Variants in XAGE5 observed in about 807,000 individuals in gnomAD.
The protein encoded by XAGE5 is X antigen family member 5.
A neutral mutation model predicts 13.1 loss-of-function variants in XAGE5; 13 were observed. The observed-to-expected ratio is 0.99, with a 90% CI of 0.64 to 1.57. The LOEUF is 1.57. XAGE5 is among the 40% of genes most tolerant of loss of function. The pLI is 0.00. For missense variants in XAGE5, 86 were observed against 77.6 expected, an observed-to-expected ratio of 1.11 and a Z score of -0.41; for synonymous variants, 17 against 25.0, an observed-to-expected ratio of 0.68 and a Z score of 0.96.
intron 4 of XAGE5, chrX:52,814,434 G>A (rs1926864617): frequency 5.2e-6 from 1 of 194,015 alleles, no homozygotes; most frequent in African/African-American, 2.9e-5. Context: ...TAAGATTATC[G>A]TGAAACAGAA....
chrX:52,811,907 G>A (rs1036753406), intron 2 of XAGE5, among the ~76,000 whole-genome samples, 188 bp downstream of exon 2: 1 of 111,200 alleles, frequency 9.0e-6, no homozygotes, highest in African/African-American at 3.3e-5. Flanking sequence ...TCGATTTTAG[G>A]GGGGAAACGG....
chrX:52,812,931 C>T (rs1478604155), intron 3 of XAGE5, among the ~76,000 whole-genome samples: 7 of 111,672 alleles, frequency 6.3e-5, no homozygotes, highest in East Asian at 2.8e-4. Context: ...TTGAGGGTAA[C>T]GGTCTCAGAG....
At chrX:52,812,493 C>G (rs1926818020) in intron 2 of XAGE5, 66 bp from the exon 3 acceptor site, 3 of 1,044,157 alleles carry the variant, frequency 2.9e-6, no homozygotes, top group Non-Finnish European at 3.9e-6. Flanking sequence ...AAGCTGGCCT[C>G]GAGCTTCTGA....
chrX:52,818,226 A>G lies in XAGE5; in HGVS notation c.*13A>G. The G allele has an allele frequency of 1.7e-6, 2 of 1,210,767 alleles. No individual in the cohort carries two copies. Among genetic ancestry groups the G allele is most frequent in the South Asian group, 3.5e-5 (2 of 56,870 alleles). On this transcript the variant is annotated 3_prime_UTR_variant, in exon 6 of 6. Transcript: ENST00000375501. ...ACCACAGCTTTAAACGAAGACAACC[A>G]AAAGAATGCAAACTGGATTTATCCG...
chrX:52,815,540 C>T (rs1192471621), intron 5 of XAGE5, among the ~76,000 whole-genome samples: 1 of 112,758 alleles, frequency 8.9e-6, no homozygotes, highest in African/African-American at 3.2e-5. Context: ...CGTAATACCT[C>T]TTTGTGTGAA....
At chrX:52,813,044 T>G in intron 3 of XAGE5, 96 bp from the exon 4 acceptor site, 1 of 625,137 alleles carries the variant, frequency 1.6e-6, no homozygotes. Flanking sequence ...ATCAGAAGTA[T>G]CTGTGTAATC....
At chrX:52,817,167 G>A (rs1300489473) in intron 5 of XAGE5, among the ~76,000 whole-genome samples, 1 of 111,944 alleles carries the variant, frequency 8.9e-6, no homozygotes, top group Non-Finnish European at 1.9e-5. Flanking sequence ...TATTTTCAGA[G>A]TATGGATGAA....
At chrX:52,816,437 G>T (rs1326211141) in intron 5 of XAGE5, among the ~76,000 whole-genome samples, 2 of 112,284 alleles carry the variant, frequency 1.8e-5, no homozygotes, top group Non-Finnish European at 3.8e-5. Context: ...CGCTAAGCAT[G>T]CTCCCTACCC....
At chrX:52,818,142 G>T (rs782547450) in intron 5 of XAGE5, 49 bp from the exon 6 acceptor site, 3 of 1,202,333 alleles carry the variant, frequency 2.5e-6, no homozygotes, top group Non-Finnish European at 3.4e-6. Flanking sequence ...AATTTCATCT[G>T]AATACAGTTC....
rs1556777478 is a variant in XAGE5 at position 52,812,562 on chromosome X, G to C, written c.-5G>C. 8.3e-7 allele frequency: 1 copy of C among 1,208,742 alleles called. No homozygotes were observed. The highest frequency in any genetic ancestry group is 1.7e-5 in the African/African-American group (1 of 57,195). On this transcript the variant is annotated 5_prime_UTR_variant, in exon 3 of 6. The change abolishes the stop of an existing upstream ORF in the 5' untranslated region. Coordinates refer to ENST00000375501, the MANE Select transcript of XAGE5 (RefSeq NM_001386970.1). ...GTGCACACTATTCTGTTTGCAGACT[G>C]AAATATGAGTTGGCGAGGAAGAAGA...
rs1556778274 is a variant in XAGE5 at position 52,818,186 on chromosome X, T to C, written c.305-5T>C. On this transcript the variant is annotated splice_region_variant and splice_polypyrimidine_tract_variant and intron_variant, in intron 5 of 5. Coordinates refer to ENST00000375501, the MANE Select transcript of XAGE5 (RefSeq NM_001386970.1). ...ATGTTCCCTCCTGTTATGTTTCTAT[T>C]GCAGGGGAAGGGAAACCACAGCTTT... The C allele has an allele frequency of 8.3e-7, 1 of 1,211,530 alleles. No individual in the cohort carries two copies. The highest frequency in any genetic ancestry group is 2.2e-5 in the Admixed American group (1 of 46,064).
intron 4 of XAGE5, chrX:52,814,137 T>C (rs1556777765): frequency 1.4e-5 from 4 of 294,899 alleles, no homozygotes; most frequent in Admixed American, 1.0e-4. Context: ...TTAGAAAATG[T>C]GAATGATTTT....
intron 4 of XAGE5, chrX:52,814,199 A>G (rs1926859436): frequency 3.0e-6 from 1 of 328,325 alleles, no homozygotes; most frequent in Non-Finnish European, 5.9e-6. Context: ...GTACTTCGAT[A>G]TTGGCTCAGG....
chrX:52,814,853 T>A lies in XAGE5; in HGVS notation c.179-239T>A, dbSNP rs1926874552. 7 of 337,372 alleles carry A rather than the reference T, an allele frequency of 2.1e-5. No homozygotes were observed. The South Asian group carries it at 3.8e-4, about 19-fold the overall frequency. The allele number at this position is 337,372 out of a possible 1,213,427, so 27.8% of individuals were successfully genotyped here. ...TGCTATCCGTGAGGCCGTCTTCAGTTTTCCTAGGTAGCTGTGTGTTTATAA... is the reference window on the plus strand; with the variant it reads ...TGCTATCCGTGAGGCCGTCTTCAGTATTCCTAGGTAGCTGTGTGTTTATAA... On this transcript the variant is annotated intron_variant, in intron 4 of 5. Coordinates refer to ENST00000375501, the MANE Select transcript of XAGE5 (RefSeq NM_001386970.1).
chrX:52,818,155 C>T, intron 5 of XAGE5, 36 bp from the exon 6 acceptor site: 1 of 1,207,642 alleles, frequency 8.3e-7, no homozygotes, highest in Non-Finnish European at 1.1e-6. Context: ...TACAGTTCTG[C>T]TAGTAATGTT....
chrX:52,818,066 ACT>A (rs1926943403), intron 5 of XAGE5, 123 bp from the exon 6 acceptor site: 1 of 792,841 alleles, frequency 1.3e-6, no homozygotes, highest in Admixed American at 3.0e-5. Flanking sequence ...CCGTAGGGAG[ACT>A]CTTCAGATTC....
chrX:52,813,086 A>T (rs1476589481), intron 3 of XAGE5, 54 bp from the exon 4 acceptor site: 20 of 1,037,868 alleles, frequency 1.9e-5, no homozygotes, highest in Non-Finnish European at 2.6e-5. Context: ...TGCATTGATA[A>T]GAAAAATTTT....
chrX:52,811,824 T>A, intron 2 of XAGE5, among the ~76,000 whole-genome samples, 105 bp downstream of exon 2: 1 of 110,671 alleles, frequency 9.0e-6, no homozygotes, highest in Non-Finnish European at 1.9e-5. Flanking sequence ...GACTGCCCAG[T>A]GCTATGTGGC....
At chrX:52,812,765 A>C in intron 3 of XAGE5, 127 bp downstream of exon 3, 1 of 647,243 alleles carries the variant, frequency 1.5e-6, no homozygotes, top group Non-Finnish European at 2.4e-6. Flanking sequence ...ATGGCATCTC[A>C]TGAAGGAAAG....
Sources: allele counts gnomAD v4.1 joint callset (sites outside exome capture counted in the v4.1 genomes callset), GRCh38; gene constraint gnomAD v4.1.1; transcripts MANE v1.5; gene names NCBI Gene and HGNC (gene_info 2026-07-23, HGNC 2026-07-21).